ZNF827: variants seen among roughly 807,000 people sequenced by gnomAD.
ZNF827 encodes the protein zinc finger protein 827.
A neutral mutation model predicts 102.4 loss-of-function variants in ZNF827; 13 were observed. The observed-to-expected ratio is 0.13, with a 90% CI of 0.08 to 0.20. The LOEUF is 0.20. Ranked by LOEUF, ZNF827 falls within the 10% of genes least tolerant of loss-of-function variation. The probability of loss-of-function intolerance (pLI) is 1.00; values close to 1 mark genes in which losing one functional copy is unlikely to be tolerated. For missense variants in ZNF827, 1,103 were observed against 1,344.4 expected, an observed-to-expected ratio of 0.82 and a Z score of 2.81; for synonymous variants, 523 against 536.2, an observed-to-expected ratio of 0.98 and a Z score of 0.34.
chr4:145,938,226 A>C, intron 1 of ZNF827, 139 bp downstream of exon 1: 5 of 977,948 alleles, frequency 5.1e-6, no homozygotes, highest in Non-Finnish European at 8.1e-6. Context: ...AACGAGGAGT[A>C]ACCCGGGCTG....
intron 8 of ZNF827, among the ~76,000 whole-genome samples, chr4:145,807,599 A>G (rs1741580317): frequency 6.6e-6 from 1 of 151,706 alleles, no homozygotes; most frequent in African/African-American, 2.4e-5. Flanking sequence ...AGCCTCCCAA[A>G]TAGCTGGGAT....
In ZNF827 at chr4:145,883,442, G is replaced by A. The variant is rs150372500; in HGVS notation, c.1747+2236C>T. On this transcript the variant is annotated intron_variant, in intron 4 of 14. Transcript: ENST00000508784. ...AGATCACAATATAAGGCTTTGATGC[G>A]CAATTCTTCCCCCCAACCTATCAAC... Among the ~76,000 whole-genome samples the A allele has an allele frequency of 3.2e-3, 487 of 152,254 alleles. 1 individual carries two copies. The highest frequency in any genetic ancestry group is 0.011 in the African/African-American group (457 of 41,552).
intron 10 of ZNF827, 100 bp downstream of exon 10, chr4:145,775,689 G>A: frequency 7.0e-7 from 1 of 1,433,820 alleles, no homozygotes; most frequent in Non-Finnish European, 9.6e-7. Context: ...CTATGACTGA[G>A]AAAAGGGGCC....
intron 5 of ZNF827, among the ~76,000 whole-genome samples, chr4:145,855,794 G>A (rs1166289930): frequency 6.6e-6 from 1 of 152,114 alleles, no homozygotes; most frequent in African/African-American, 2.4e-5. Flanking sequence ...AGCAGCCTCG[G>A]GCCCTGAAGC....
intron 8 of ZNF827, among the ~76,000 whole-genome samples, chr4:145,807,703 C>T (rs1209920358): frequency 6.6e-6 from 1 of 151,032 alleles, no homozygotes; most frequent in Non-Finnish European, 1.5e-5. Context: ...AACTCCTGAC[C>T]TCGTGATTCG....
intron 7 of ZNF827, among the ~76,000 whole-genome samples, chr4:145,838,214 G>C (rs1745068851): frequency 6.6e-6 from 1 of 152,014 alleles, no homozygotes; most frequent in Non-Finnish European, 1.5e-5. Context: ...TAAATGGCTG[G>C]TCCTTGCCTT....
chr4:145,904,498 G>A (rs2135961), intron 1 of ZNF827, among the ~76,000 whole-genome samples: 42,265 of 152,054 alleles, frequency 0.28, 6,154 homozygotes, highest in East Asian at 0.47. Flanking sequence ...AGAAGTGGTG[G>A]CATTTCAGCA....
chr4:145,889,330 T>C (rs1750397406), intron 3 of ZNF827, among the ~76,000 whole-genome samples: 1 of 152,244 alleles, frequency 6.6e-6, no homozygotes, highest in Non-Finnish European at 1.5e-5. Flanking sequence ...TTCTCCAGGC[T>C]GGGCACTGTA....
At chr4:145,889,216 T>TA (rs899325085) in intron 3 of ZNF827, among the ~76,000 whole-genome samples, 4 of 152,350 alleles carry the variant, frequency 2.6e-5, no homozygotes, top group Non-Finnish European at 5.9e-5. Context: ...AGTAATTTTT[T>TA]ATACCATTTC....
At chr4:145,924,415 A>G (rs1158433827) in intron 1 of ZNF827, among the ~76,000 whole-genome samples, 6 of 152,116 alleles carry the variant, frequency 3.9e-5, no homozygotes, top group Non-Finnish European at 7.4e-5. Flanking sequence ...TTAAGAGCAC[A>G]TATTATATCA....
intron 1 of ZNF827, among the ~76,000 whole-genome samples, chr4:145,932,253 T>G (rs1753859680): frequency 6.6e-6 from 1 of 152,234 alleles, no homozygotes; most frequent in East Asian, 1.9e-4. Context: ...AGACACCTTG[T>G]CATCTTTAAG....
Position 145,870,284 on chromosome 4 carries a change from A to T in ZNF827, c.1942T>A (p.Ser648Thr). 1 of 1,614,112 alleles carries T rather than the reference A, an allele frequency of 6.2e-7. No homozygotes were observed. The highest frequency in any genetic ancestry group is 1.6e-4 in the Middle Eastern group (1 of 6,062). Reference protein sequence around the residue: ...GKGSVLRRDVSVKAASELLMK... With the variant: ...GKGSVLRRDVTVKAASELLMK... ...AGAAGTTCAGAGGCTGCTTTGACTG[A>T]CACATCCCGCCTTAGCACACTTCCC... Residue 648 changes from serine to threonine, a missense_variant, in exon 5 of 15, where the codon TCA (serine) becomes ACA (threonine). Ser to Thr is a moderately conservative substitution (Grantham distance 58). Around this residue, in one of 5 missense-constraint regions of ZNF827, gnomAD observed 243 missense variants for 251.6 expected, o/e 0.97. Coordinates refer to ENST00000508784, the MANE Select transcript of ZNF827 (RefSeq NM_001306215.2).
At chr4:145,883,119 T>C (rs1008812925) in intron 4 of ZNF827, among the ~76,000 whole-genome samples, 1 of 151,844 alleles carries the variant, frequency 6.6e-6, no homozygotes, top group African/African-American at 2.4e-5. Context: ...ACTTATCTTC[T>C]CCTCTCCTGA....
intron 8 of ZNF827, among the ~76,000 whole-genome samples, chr4:145,789,642 C>A (rs1026405627): frequency 6.6e-6 from 1 of 152,186 alleles, no homozygotes; most frequent in Non-Finnish European, 1.5e-5. Context: ...CTTTCCCAAA[C>A]CCGAATCTGT....
rs1734748972 is a variant in ZNF827, at chr4:145,762,875, G to T, written c.*17+215C>A. ...CTGCCTCAGCTCTTGCTTGGCTCCTGCAGGGCAGGGCTCAGGAGTGGACTG... is the reference window on the plus strand; with the variant it reads ...CTGCCTCAGCTCTTGCTTGGCTCCTTCAGGGCAGGGCTCAGGAGTGGACTG... On this transcript the variant is annotated intron_variant, in intron 14 of 14. Transcript: ENST00000508784. This position sits in a 1 kb window ranked among gnomAD's most constrained non-coding sequence, Gnocchi z 4.9. 6.6e-6 allele frequency among the ~76,000 whole-genome samples: 1 copy of T among 152,248 alleles called. No individual in the cohort carries two copies. Among genetic ancestry groups the T allele is most frequent in the South Asian group, 2.1e-4 (1 of 4,836 alleles).
At chr4:145,779,842 C>T (rs1684443096) in intron 8 of ZNF827, among the ~76,000 whole-genome samples, 1 of 152,216 alleles carries the variant, frequency 6.6e-6, no homozygotes, top group Non-Finnish European at 1.5e-5. Context: ...AAATGAGTTG[C>T]CTGAGTTGCA....
At chr4:145,814,396 G>C (rs1742357850) in intron 8 of ZNF827, among the ~76,000 whole-genome samples, 1 of 152,106 alleles carries the variant, frequency 6.6e-6, no homozygotes, top group Admixed American at 6.5e-5. Flanking sequence ...AAGTCTCCTG[G>C]GAGCAGCTTT....
At chr4:145,799,597 G>A (rs1254492229) in intron 8 of ZNF827, among the ~76,000 whole-genome samples, 4 of 152,160 alleles carry the variant, frequency 2.6e-5, no homozygotes, top group Non-Finnish European at 4.4e-5. Flanking sequence ...ACTGCTAGCT[G>A]CCCTCCAACA....
At chr4:145,853,093 GAAGA>G (rs2126674421) in intron 5 of ZNF827, among the ~76,000 whole-genome samples, 1 of 152,282 alleles carries the variant, frequency 6.6e-6, no homozygotes, top group African/African-American at 2.4e-5. Context: ...ACAAGACAAA[GAAGA>G]AAGAAAAAGC....
Sources: allele counts gnomAD v4.1 joint callset (sites outside exome capture counted in the v4.1 genomes callset), GRCh38; gene constraint gnomAD v4.1.1; regional missense constraint gnomAD v4.1.1; non-coding constraint Gnocchi (gnomAD v3.1); transcripts MANE v1.5; gene names NCBI Gene and HGNC (gene_info 2026-07-23, HGNC 2026-07-21).